Variants in PLD5 observed in about 807,000 individuals in gnomAD.
PLD5 encodes phospholipase D family member 5.
PLD5 carries 36 observed loss-of-function variants against 61.1 expected under a neutral mutation model. The ratio of observed to expected loss-of-function variants is 0.59; its 90% CI spans 0.45 to 0.78. The LOEUF (loss-of-function observed/expected upper bound fraction) is 0.78. Ranked by LOEUF, PLD5 falls within the 30% of genes least tolerant of loss-of-function variation. The pLI is 0.00. For missense variants in PLD5, 515 were observed against 644.4 expected, an observed-to-expected ratio of 0.80 and a Z score of 2.17; for synonymous variants, 243 against 242.8, an observed-to-expected ratio of 1.00 and a Z score of -0.01.
intron 1 of PLD5, among the ~76,000 whole-genome samples, chr1:242,464,179 T>C (rs940785372): frequency 3.9e-5 from 6 of 152,322 alleles, no homozygotes; most frequent in Admixed American, 2.6e-4. Flanking sequence ...ACTTCACATG[T>C]CCCTTCTTTT....
intron 5 of PLD5, among the ~76,000 whole-genome samples, chr1:242,159,567 C>T (rs529497726): frequency 1.6e-4 from 25 of 152,204 alleles, no homozygotes; most frequent in African/African-American, 4.6e-4. Flanking sequence ...TACGGTTCTC[C>T]GAGGTGGGGC....
At chr1:242,157,181 G>A (rs995747294) in intron 5 of PLD5, among the ~76,000 whole-genome samples, 1 of 151,900 alleles carries the variant, frequency 6.6e-6, no homozygotes, top group Non-Finnish European at 1.5e-5. Flanking sequence ...CAAAGTTCTC[G>A]TGCTATGTTT....
intron 2 of PLD5, among the ~76,000 whole-genome samples, chr1:242,322,653 T>G (rs1332001545): frequency 6.6e-6 from 1 of 152,208 alleles, no homozygotes; most frequent in Non-Finnish European, 1.5e-5. Context: ...CCCATGATAG[T>G]GAGTGAGTTC....
At chr1:242,407,561 G>GTTTTTTTTT (rs58679212) in intron 1 of PLD5, among the ~76,000 whole-genome samples, 8 of 130,322 alleles carry the variant, frequency 6.1e-5, no homozygotes, top group Non-Finnish European at 8.2e-5. Flanking sequence ...TGGTTGTTTT[G>GTTTTTTTTT]TTTTTTTTTT....
At chr1:242,233,749 T>C (rs1270176709) in intron 4 of PLD5, among the ~76,000 whole-genome samples, 1 of 152,130 alleles carries the variant, frequency 6.6e-6, no homozygotes, top group Non-Finnish European at 1.5e-5. Context: ...ACTGACTAAG[T>C]GAATGAGTGA....
chr1:242,452,974 C>A (rs1342506444), intron 1 of PLD5, among the ~76,000 whole-genome samples: 2 of 152,166 alleles, frequency 1.3e-5, no homozygotes, highest in Non-Finnish European at 2.9e-5. Flanking sequence ...TCCCACTCTT[C>A]TGAACATGGA....
At chr1:242,497,631 A>G (rs1011016532) in intron 1 of PLD5, among the ~76,000 whole-genome samples, 1 of 152,202 alleles carries the variant, frequency 6.6e-6, no homozygotes, top group Non-Finnish European at 1.5e-5. Flanking sequence ...TGAAAAAGAG[A>G]GCTTCATCCT....
intron 1 of PLD5, among the ~76,000 whole-genome samples, chr1:242,358,203 G>T (rs1660865494): frequency 2.0e-5 from 3 of 152,060 alleles, no homozygotes; most frequent in Admixed American, 2.0e-4. Flanking sequence ...TTTGTTAAGA[G>T]GATTATTCTA....
chr1:242,156,330 T>TG (rs1307738556), intron 5 of PLD5, among the ~76,000 whole-genome samples: 2 of 152,342 alleles, frequency 1.3e-5, no homozygotes, highest in Non-Finnish European at 2.9e-5. Context: ...GTCTTTTAAT[T>TG]GGGGCATTTA....
intron 2 of PLD5, among the ~76,000 whole-genome samples, chr1:242,298,113 T>C (rs1675820414): frequency 1.3e-5 from 2 of 152,124 alleles, no homozygotes; most frequent in South Asian, 4.1e-4. Context: ...TTCCTTTTTA[T>C]TAGCTTTTAA....
At chr1:242,254,158 G>A (rs1391391075) in intron 4 of PLD5, among the ~76,000 whole-genome samples, 6 of 152,130 alleles carry the variant, frequency 3.9e-5, no homozygotes, top group Non-Finnish European at 8.8e-5. Flanking sequence ...AATAAATCCA[G>A]TCTGGTCTAG....
intron 5 of PLD5, among the ~76,000 whole-genome samples, chr1:242,170,542 G>A (rs1227282832): frequency 6.6e-6 from 1 of 152,188 alleles, no homozygotes; most frequent in Non-Finnish European, 1.5e-5. Context: ...AACAAAATGG[G>A]ATGGAGAATG....
At chr1:242,350,159 A>G (rs1660392795) in intron 1 of PLD5, among the ~76,000 whole-genome samples, 3 of 152,188 alleles carry the variant, frequency 2.0e-5, no homozygotes, top group Admixed American at 6.5e-5. Flanking sequence ...CAGATGCCAA[A>G]TCTACCAGCA....
chr1:242,167,393 G>A lies in PLD5; in HGVS notation c.736-42728C>T, dbSNP rs532649337. Among the ~76,000 whole-genome samples the A allele has an allele frequency of 3.5e-4, 54 of 152,254 alleles. 1 individual carries two copies. In the South Asian group the frequency reaches 8.5e-3, roughly 24 times the overall value. The stretch of plus-strand genomic sequence containing the variant: ...GCAGCAGCCAAGAGAGAGCATGTGC[G>A]GGGGAACTGCCCTTTATGAAACCGT... On this transcript the variant is annotated intron_variant, in intron 5 of 9. Transcript: ENST00000536534.
chr1:242,504,119 C>G (rs1668645915), intron 1 of PLD5, among the ~76,000 whole-genome samples: 1 of 152,048 alleles, frequency 6.6e-6, no homozygotes, highest in Non-Finnish European at 1.5e-5. Flanking sequence ...AAAAATGTAC[C>G]TACCAGAAAT....
chr1:242,117,737 A>T (rs1182232523), intron 6 of PLD5, among the ~76,000 whole-genome samples: 2 of 151,474 alleles, frequency 1.3e-5, no homozygotes, highest in Non-Finnish European at 2.9e-5. Flanking sequence ...GTACTCCCAT[A>T]CTATTTATTT....
intron 4 of PLD5, among the ~76,000 whole-genome samples, chr1:242,221,340 T>C (rs1041319090): frequency 2.6e-5 from 4 of 152,224 alleles, no homozygotes; most frequent in Admixed American, 6.5e-5. Context: ...CTATTGTGTC[T>C]TCAGGTATTT....
Position 242,303,453 on chromosome 1 carries a change from A to G in PLD5, c.327-14923T>C, listed in dbSNP as rs1676176729. ...ATCATTTTTATTTCAACCCACATTA[A>G]AAGTATTTCTAAAATGTATAAATGC... On this transcript the variant is annotated intron_variant, in intron 2 of 9. Transcript: ENST00000536534. Among the ~76,000 whole-genome samples, 5 of 152,248 alleles carry G rather than the reference A, an allele frequency of 3.3e-5. No individual in the cohort carries two copies. In the South Asian group the frequency reaches 1.0e-3, roughly 32 times the overall value.
At chr1:242,141,100 AT>A (rs1664128077) in intron 5 of PLD5, among the ~76,000 whole-genome samples, 3 of 152,268 alleles carry the variant, frequency 2.0e-5, no homozygotes, top group Admixed American at 6.5e-5. Context: ...GGGTAGTGCT[AT>A]CAGCACTGCC....
Sources: allele counts gnomAD v4.1 joint callset (sites outside exome capture counted in the v4.1 genomes callset), GRCh38; gene constraint gnomAD v4.1.1; transcripts MANE v1.5; gene names NCBI Gene and HGNC (gene_info 2026-07-23, HGNC 2026-07-21).